Variants in KCNK12 observed in about 807,000 individuals in gnomAD.
KCNK12 encodes the protein potassium channel subfamily K member 12.
In KCNK12, 6 loss-of-function variants were observed where a neutral mutation model predicts 25.3. The observed-to-expected ratio is 0.24, with a 90% CI of 0.13 to 0.47. The LOEUF (loss-of-function observed/expected upper bound fraction) is 0.47, where lower values mean the gene tolerates loss of function less well. Ranked by LOEUF, KCNK12 falls within the 20% of genes least tolerant of loss-of-function variation. The pLI, the probability that KCNK12 is intolerant of heterozygous loss-of-function variation, is 0.99. For missense variants in KCNK12, 444 were observed against 661.7 expected (o/e 0.67, Z 3.61); for synonymous variants, 331 against 311.1 (o/e 1.06, Z -0.67).
At position 47,512,525 on chromosome 2, in the gene KCNK12, G is replaced by C. The variant is rs1433167460; in HGVS notation, c.*8382C>G. 1.4e-6 allele frequency: 2 copies of C among 1,405,324 alleles called. No homozygotes were observed. Among genetic ancestry groups the C allele is most frequent in the African/African-American group, 1.4e-5 (1 of 69,052 alleles). The allele number at this position is 1,405,324 out of a possible 1,614,324, so 87.1% of individuals were successfully genotyped here. ...CATTTCCCTCAAAATGGAGCAGGAAGCTCTCAAAAATGGACCAGAAAGGGG... is the reference window on the plus strand; with the variant it reads ...CATTTCCCTCAAAATGGAGCAGGAACCTCTCAAAAATGGACCAGAAAGGGG... On this transcript the variant is annotated 3_prime_UTR_variant, in exon 2 of 2. Transcript: ENST00000327876.
chr2:47,558,563 C>T (rs998210784), intron 1 of KCNK12, among the ~76,000 whole-genome samples: 4 of 152,216 alleles, frequency 2.6e-5, no homozygotes, highest in Non-Finnish European at 5.9e-5. Context: ...CTTTCCCCCT[C>T]GCACCTGGGC....
chr2:47,532,653 A>G (rs892745192), intron 1 of KCNK12, among the ~76,000 whole-genome samples: 1 of 152,248 alleles, frequency 6.6e-6, no homozygotes, highest in African/African-American at 2.4e-5. Flanking sequence ...ATCTGGTAAC[A>G]TTGGGAGCAC....
At chr2:47,552,390 C>T (rs993512188) in intron 1 of KCNK12, among the ~76,000 whole-genome samples, 1 of 152,152 alleles carries the variant, frequency 6.6e-6, no homozygotes, top group African/African-American at 2.4e-5. Flanking sequence ...CTTCATTCCC[C>T]ACTTCCTTTG....
rs1199023583 is a variant in KCNK12 at position 47,519,103 on chromosome 2, C to T, written c.*1804G>A. On this transcript the variant is annotated 3_prime_UTR_variant, in exon 2 of 2. Coordinates refer to ENST00000327876, the MANE Select transcript of KCNK12 (RefSeq NM_022055.2). ...TAGCAAGACTGACGTCTCTCCTGGC[C>T]AGCGCTGCTTCACTGGCTTCACCCC... is the stretch of plus-strand genomic sequence containing the variant. 6.6e-6 allele frequency: 1 copy of T among 152,222 alleles called. No homozygotes were observed. The highest frequency in any genetic ancestry group is 1.9e-4 in the East Asian group (1 of 5,188). The allele number at this position is 152,222 out of a possible 1,614,324, so 9.4% of individuals were successfully genotyped here. A position where few individuals can be genotyped will look rare whatever the true frequency, so the allele number is the denominator to read the frequency against.
At chr2:47,532,123 T>A (rs543994164) in intron 1 of KCNK12, among the ~76,000 whole-genome samples, 1 of 152,222 alleles carries the variant, frequency 6.6e-6, no homozygotes, top group East Asian at 1.9e-4. Flanking sequence ...TAGCAGGCTG[T>A]CATAGGCATT....
chr2:47,564,053 C>G (rs1391267468), intron 1 of KCNK12: 6 of 231,250 alleles, frequency 2.6e-5, no homozygotes, highest in Non-Finnish European at 5.1e-5. Context: ...CCCAGAACTT[C>G]CCAAAGGAAG....
In KCNK12 at chr2:47,570,448, C is replaced by T. The variant is rs1669869709; in HGVS notation, c.-117G>A. On this transcript the variant is annotated 5_prime_UTR_variant, in exon 1 of 2. Coordinates refer to ENST00000327876, the MANE Select transcript of KCNK12 (RefSeq NM_022055.2). ...AGGGGTCCGGGGCCGCCGCGGAGCC[C>T]CTCGCCGCCTTCGCAGAGCCCCTCG... 9.4e-7 allele frequency: 1 copy of T among 1,068,546 alleles called. No homozygotes were observed. Among genetic ancestry groups the T allele is most frequent in the African/African-American group, 1.7e-5 (1 of 60,164 alleles). The allele number at this position is 1,068,546 out of a possible 1,614,324, so 66.2% of individuals were successfully genotyped here. A position where few individuals can be genotyped will look rare whatever the true frequency, so the allele number is the denominator to read the frequency against.
At position 47,570,337 on chromosome 2, in the gene KCNK12, G is replaced by A. The variant is rs1205981598; in HGVS notation, c.-6C>T. The stretch of plus-strand genomic sequence containing the variant: ...CGGGGGCTGCGGGAGGACATGGTCC[G>A]GAGCTCAGCCCCGGGGCCGGGGCGG... On this transcript the variant is annotated 5_prime_UTR_variant, in exon 1 of 2. Transcript: ENST00000327876. 4 of 1,268,078 alleles carry A rather than the reference G, an allele frequency of 3.2e-6. No homozygotes were observed. The highest frequency in any genetic ancestry group is 4.0e-6 in the Non-Finnish European group (4 of 1,010,476). The allele number at this position is 1,268,078 out of a possible 1,614,324, so 78.6% of individuals were successfully genotyped here. A position where few individuals can be genotyped will look rare whatever the true frequency, so the allele number is the denominator to read the frequency against.
chr2:47,548,888 G>C lies in KCNK12; in HGVS notation c.391+21053C>G, dbSNP rs895766907. Among the ~76,000 whole-genome samples the C allele has an allele frequency of 6.6e-6, 1 of 152,150 alleles. No individual in the cohort carries two copies. The highest frequency in any genetic ancestry group is 2.4e-5 in the African/African-American group (1 of 41,414). On this transcript the variant is annotated intron_variant, in intron 1 of 1. Transcript: ENST00000327876. The surrounding 1 kb of genome is among the most constrained non-coding windows in gnomAD (Gnocchi z 4.4). ...GAGGGGAGAGAAATTCAGGTTCAGG[G>C]AGGATAAAGCAGCTGTCACTGCTTA...
chr2:47,544,359 C>T (rs190594621), intron 1 of KCNK12, among the ~76,000 whole-genome samples: 6 of 152,328 alleles, frequency 3.9e-5, no homozygotes, highest in South Asian at 2.1e-4. Flanking sequence ...GCATCTCTGC[C>T]GAGGGCATAA....
At chr2:47,542,705 A>G (rs115694817) in intron 1 of KCNK12, among the ~76,000 whole-genome samples, 3,953 of 152,252 alleles carry the variant, frequency 0.026, 152 homozygotes, top group African/African-American at 0.081. Context: ...CTCAGCAGGG[A>G]TGGCGCGAGG....
Position 47,512,504 on chromosome 2 carries a change from T to G in KCNK12, c.*8403A>C. On this transcript the variant is annotated 3_prime_UTR_variant, in exon 2 of 2. Transcript: ENST00000327876. ...TACAAACATCCCTTCTGTAAACATT[T>G]CCCTCAAAATGGAGCAGGAAGCTCT... The G allele has an allele frequency of 6.8e-7, 1 of 1,468,290 alleles. No individual in the cohort carries two copies. Among genetic ancestry groups the G allele is most frequent in the Non-Finnish European group, 9.1e-7 (1 of 1,094,676 alleles). 91.0% of individuals were successfully genotyped at this position (1,468,290 alleles called of 1,614,324 possible). A position where few individuals can be genotyped will look rare whatever the true frequency, so the allele number is the denominator to read the frequency against.
rs1050072007 is a variant in KCNK12 at position 47,551,555 on chromosome 2, A to G, written c.391+18386T>C. ...TGGCACATAGTGGAGCGCTCAAGAA[A>G]TATTTGTTGAATAAATGGATCAATG... On this transcript the variant is annotated intron_variant, in intron 1 of 1. Transcript: ENST00000327876. The surrounding 1 kb of genome is among the most constrained non-coding windows in gnomAD (Gnocchi z 5.3). 6.6e-6 allele frequency among the ~76,000 whole-genome samples: 1 copy of G among 152,166 alleles called. No individual in the cohort carries two copies. Among genetic ancestry groups the G allele is most frequent in the Non-Finnish European group, 1.5e-5 (1 of 68,030 alleles).
rs1386770715 is a variant in KCNK12 at position 47,520,646 on chromosome 2, G to T, written c.*261C>A. On this transcript the variant is annotated 3_prime_UTR_variant, in exon 2 of 2. Coordinates refer to ENST00000327876, the MANE Select transcript of KCNK12 (RefSeq NM_022055.2). The surrounding 1 kb of genome is among the most constrained non-coding windows in gnomAD (Gnocchi z 5.0). ...GGTATGCCCTGGGTGTGGGCCTGGG[G>T]GGCCACGTTTTCTCTCCCTGAAGGA... The T allele has an allele frequency of 2.8e-6, 1 of 358,110 alleles. No homozygotes were observed. 22.2% of individuals were successfully genotyped at this position (358,110 alleles called of 1,614,324 possible).
At position 47,570,532 on chromosome 2, in the gene KCNK12, A is replaced by G. The variant is rs1296156153; in HGVS notation, c.-201T>C. ...CCGCCTCCTCCCCGGCGCTCAGGCC[A>G]CACGCGAGTCCCGTGGCCCAGCGGG... On this transcript the variant is annotated 5_prime_UTR_variant, in exon 1 of 2. Coordinates refer to ENST00000327876, the MANE Select transcript of KCNK12 (RefSeq NM_022055.2). 4 of 423,424 alleles carry G rather than the reference A, an allele frequency of 9.4e-6. No homozygotes were observed. The highest frequency in any genetic ancestry group is 1.5e-5 in the Non-Finnish European group (4 of 269,874). 26.2% of individuals were successfully genotyped at this position (423,424 alleles called of 1,614,324 possible).
chr2:47,532,292 T>C (rs922451975), intron 1 of KCNK12, among the ~76,000 whole-genome samples: 2 of 152,088 alleles, frequency 1.3e-5, no homozygotes, highest in African/African-American at 2.4e-5. Flanking sequence ...TTGAGTCTGC[T>C]CCCACTTTGT....
At chr2:47,563,768 T>C (rs1277242317) in intron 1 of KCNK12, 1 of 232,920 alleles carries the variant, frequency 4.3e-6, no homozygotes, top group Non-Finnish European at 8.5e-6. Flanking sequence ...GGGAAAGTTA[T>C]GAAGGATCTT....
chr2:47,563,921 A>AGC (rs1323924193), intron 1 of KCNK12: 3 of 231,914 alleles, frequency 1.3e-5, no homozygotes, highest in African/African-American at 6.6e-5. Flanking sequence ...GCCCAGGAAT[A>AGC]GCGGCAGACC....
intron 1 of KCNK12, among the ~76,000 whole-genome samples, chr2:47,541,978 T>TAGCAGCAGCAGC (rs908359477): frequency 2.0e-5 from 3 of 152,216 alleles, no homozygotes; most frequent in African/African-American, 7.2e-5. Flanking sequence ...CTGTTTTCTG[T>TAGCAGCAGCAGC]AGCAGCAGCA....
Sources: gnomAD v4.1 joint callset for allele counts (sites outside exome capture counted in the v4.1 genomes callset) on GRCh38, gnomAD v4.1.1 for gene constraint, Gnocchi (gnomAD v3.1) non-coding constraint, MANE v1.5 for transcripts, NCBI Gene and HGNC (gene_info 2026-07-23, HGNC 2026-07-21) for gene names.